RASSF8: variants seen among roughly 807,000 people sequenced by gnomAD.
RASSF8 encodes ras association domain-containing protein 8.
Under a neutral mutation model 48.5 loss-of-function variants are expected in RASSF8, and 22 were observed. The ratio of observed to expected loss-of-function variants is 0.45; its 90% CI spans 0.32 to 0.65. RASSF8 has a LOEUF of 0.65. RASSF8 is among the 30% of genes least tolerant of loss of function. The probability of loss-of-function intolerance (pLI) is 0.03; values close to 1 mark genes in which losing one functional copy is unlikely to be tolerated. For missense variants in RASSF8, 418 were observed against 489.2 expected (o/e 0.85, Z 1.37); for synonymous variants, 127 against 171.5 (o/e 0.74, Z 2.03).
chr12:26,018,234 A>G (rs1176899876), intron 2 of RASSF8, among the ~76,000 whole-genome samples: 1 of 152,202 alleles, frequency 6.6e-6, no homozygotes, highest in African/African-American at 2.4e-5. Context: ...ATATAAATTT[A>G]AATGCTATGC....
intron 1 of RASSF8, among the ~76,000 whole-genome samples, chr12:25,985,974 A>G (rs921886560): frequency 2.0e-5 from 3 of 152,260 alleles, no homozygotes; most frequent in Admixed American, 2.0e-4. Context: ...AGATAATTAA[A>G]TGAATTAACA....
intron 2 of RASSF8, among the ~76,000 whole-genome samples, chr12:26,018,393 C>T (rs1158958679): frequency 6.6e-6 from 1 of 151,824 alleles, no homozygotes; most frequent in South Asian, 2.1e-4. Flanking sequence ...TATAACTAGA[C>T]TAAAATTTTC....
chr12:26,039,831 G>T (rs1326334631), intron 2 of RASSF8, among the ~76,000 whole-genome samples: 1 of 152,126 alleles, frequency 6.6e-6, no homozygotes, highest in Admixed American at 6.5e-5. Flanking sequence ...TAAATAAAAG[G>T]TATAACTAAT....
intron 2 of RASSF8, among the ~76,000 whole-genome samples, chr12:26,009,037 T>C (rs2729661): frequency 0.91 from 138,812 of 152,188 alleles, 63,332 homozygotes; most frequent in East Asian, 0.99. Context: ...GGTAGTCCCC[T>C]GTGTACCACA....
chr12:25,967,077 T>C (rs1941376530), intron 1 of RASSF8, among the ~76,000 whole-genome samples: 2 of 152,256 alleles, frequency 1.3e-5, no homozygotes, highest in Admixed American at 1.3e-4. Context: ...GTCTGTTATA[T>C]CCTTTTTTAT....
intron 2 of RASSF8, among the ~76,000 whole-genome samples, chr12:26,013,087 G>A (rs1295700380): frequency 1.3e-5 from 2 of 152,132 alleles, no homozygotes; most frequent in Admixed American, 6.5e-5. Flanking sequence ...GCTAAAAACT[G>A]ATCAGGTTTT....
At chr12:26,034,037 A>G (rs1943080061) in intron 2 of RASSF8, among the ~76,000 whole-genome samples, 2 of 152,024 alleles carry the variant, frequency 1.3e-5, no homozygotes, top group East Asian at 3.9e-4. Flanking sequence ...GCAAGCTAGC[A>G]GGGAGGTGGT....
intron 2 of RASSF8, among the ~76,000 whole-genome samples, chr12:26,013,225 T>C (rs1420311117): frequency 6.6e-6 from 1 of 152,170 alleles, no homozygotes; most frequent in South Asian, 2.1e-4. Flanking sequence ...TCTTTCTCAT[T>C]TCTAGTAATT....
intron 1 of RASSF8, among the ~76,000 whole-genome samples, chr12:25,968,590 C>T (rs1249257113): frequency 5.3e-5 from 8 of 152,046 alleles, no homozygotes; most frequent in Admixed American, 1.3e-4. Flanking sequence ...GTAATCCACC[C>T]GCCTCAGCCT....
At chr12:25,989,383 T>C (rs1196824115) in intron 1 of RASSF8, among the ~76,000 whole-genome samples, 1 of 152,054 alleles carries the variant, frequency 6.6e-6, no homozygotes, top group East Asian at 1.9e-4. Context: ...TGTCTTTCTT[T>C]CCCCCCACCC....
chr12:25,973,201 G>A (rs1026437707), intron 1 of RASSF8, among the ~76,000 whole-genome samples: 3 of 133,890 alleles, frequency 2.2e-5, no homozygotes, highest in African/African-American at 6.2e-5. Context: ...TAAAAAGATC[G>A]CTATTTTTTT....
downstream of RASSF8, among the ~76,000 whole-genome samples, chr12:26,073,849 C>T (rs2137549): frequency 0.51 from 73,219 of 143,870 alleles, 19,105 homozygotes; most frequent in East Asian, 0.69. Context: ...CACACACACA[C>T]ATATATATAT....
chr12:26,024,200 T>C (rs999916131), intron 2 of RASSF8, among the ~76,000 whole-genome samples: 1 of 152,186 alleles, frequency 6.6e-6, no homozygotes, highest in Non-Finnish European at 1.5e-5. Flanking sequence ...GAGGTCTTGC[T>C]CTGTTGCCCA....
intron 2 of RASSF8, among the ~76,000 whole-genome samples, chr12:26,026,271 G>A (rs1035335845): frequency 1.3e-5 from 2 of 152,076 alleles, no homozygotes; most frequent in African/African-American, 4.8e-5. Context: ...TCGTAAAAAA[G>A]ACAAATAGTC....
Position 26,065,325 on chromosome 12 carries a change from A to G in RASSF8, c.931A>G (p.Arg311Gly). 6.2e-7 allele frequency: 1 copy of G among 1,614,110 alleles called. No homozygotes were observed. Among genetic ancestry groups the G allele is most frequent in the Non-Finnish European group, 8.5e-7 (1 of 1,179,998 alleles). Residue 311 changes from arginine (R) to glycine (G), a missense_variant, in exon 4 of 6, where the codon AGG becomes GGG. Transcript: ENST00000689635. ...TGACATTCAAGGCCAGCAGAGTCTG[A>G]GGTTGGAAAATGGCATCAAAGCTGT... ...EIDIQGQQSL[R>G]LENGIKAVER...
rs1004611812 is a variant in RASSF8, at chr12:26,027,881, G to A, written c.-108-27355G>A. Among the ~76,000 whole-genome samples the A allele has an allele frequency of 4.6e-5, 7 of 152,236 alleles. No individual in the cohort carries two copies. The South Asian group carries it at 8.3e-4, about 18-fold the overall frequency. On this transcript the variant is annotated intron_variant, in intron 2 of 5. Transcript: ENST00000689635. ...AAAGAACAGCCCAGAAGATGACAGA[G>A]GGGAATGACCAGATGGGTGGGAGAA...
chr12:26,055,140 TATG>T (rs771704335), intron 2 of RASSF8, 93 bp from the exon 3 acceptor site: 11 of 560,078 alleles, frequency 2.0e-5, no homozygotes, highest in East Asian at 5.9e-5. Context: ...TCAGTAAGAT[TATG>T]ATATGTTAAA....
intron 2 of RASSF8, among the ~76,000 whole-genome samples, chr12:26,038,212 G>A (rs182137688): frequency 2.0e-5 from 3 of 152,226 alleles, no homozygotes; most frequent in Admixed American, 2.0e-4. Flanking sequence ...GTGAAGCTTT[G>A]TTTCATGATC....
chr12:26,067,708 A>G lies in RASSF8; in HGVS notation c.1133A>G (p.Glu378Gly), dbSNP rs759482023. The G allele has an allele frequency of 1.2e-6, 2 of 1,614,096 alleles. No individual in the cohort carries two copies. The highest frequency in any genetic ancestry group is 4.5e-5 in the East Asian group (2 of 44,876). Residue 378 changes from glutamate (E) to glycine (G), a missense_variant, in exon 5 of 6, where the codon GAA becomes GGA. Transcript: ENST00000689635. The stretch of plus-strand genomic sequence containing the variant: ...ATAGAGGCCTCACATGCAGACATTG[A>G]AAGGGGTAAGATGTTGATAAATATG... ...IEIEASHADI[E>G]REAPFQSGSL... is the part of the protein sequence containing the mutation.
Sources: gnomAD v4.1 joint callset for allele counts (sites outside exome capture counted in the v4.1 genomes callset) on GRCh38, gnomAD v4.1.1 for gene constraint, MANE v1.5 for transcripts, NCBI Gene and HGNC (gene_info 2026-07-23, HGNC 2026-07-21) for gene names.